The following EBF1 variants were observed in gnomAD, a reference collection of about 807,000 sequenced individuals.
The protein encoded by EBF1 is transcription factor COE1.
In EBF1, 10 loss-of-function variants were observed where a neutral mutation model predicts 68.4. That is an observed-to-expected ratio of 0.15 (90% confidence interval 0.09 to 0.25). The LOEUF (loss-of-function observed/expected upper bound fraction) is 0.25. Ranked by LOEUF, EBF1 falls within the 10% of genes least tolerant of loss-of-function variation. The probability of loss-of-function intolerance (pLI) is 1.00; values close to 1 mark genes in which losing one functional copy is unlikely to be tolerated. For missense variants in EBF1, 509 were observed against 794.4 expected (o/e 0.64, Z 4.32); for synonymous variants, 298 against 299.8 (o/e 0.99, Z 0.06).
intron 6 of EBF1, among the ~76,000 whole-genome samples, chr5:158,860,179 T>C (rs547145753): frequency 6.6e-6 from 1 of 152,364 alleles, no homozygotes; most frequent in South Asian, 2.1e-4. Flanking sequence ...GTGCTTACTA[T>C]GTGCAAGGTC....
At chr5:158,965,188 T>A (rs990082717) in intron 6 of EBF1, among the ~76,000 whole-genome samples, 4 of 152,168 alleles carry the variant, frequency 2.6e-5, no homozygotes, top group African/African-American at 9.7e-5. Context: ...CAACCCAGAT[T>A]CTAGGATCCA....
At chr5:158,710,555 G>A (rs1429681649) in intron 14 of EBF1, among the ~76,000 whole-genome samples, 1 of 152,198 alleles carries the variant, frequency 6.6e-6, no homozygotes, top group Non-Finnish European at 1.5e-5. Context: ...TGAGTAGACA[G>A]ACATAATATA....
intron 1 of EBF1, among the ~76,000 whole-genome samples, chr5:159,098,256 G>A (rs1273516999): frequency 6.6e-6 from 1 of 152,200 alleles, no homozygotes; most frequent in African/African-American, 2.4e-5. Flanking sequence ...AAGAGCCTTG[G>A]GTGTGCCCAG....
chr5:158,927,376 C>G (rs948114321), intron 6 of EBF1, among the ~76,000 whole-genome samples: 13 of 152,318 alleles, frequency 8.5e-5, no homozygotes, highest in African/African-American at 2.9e-4. Flanking sequence ...TCATGAACCA[C>G]TGCTTTGTTC....
chr5:159,056,503 G>A (rs1394362551), intron 6 of EBF1, among the ~76,000 whole-genome samples: 1 of 152,118 alleles, frequency 6.6e-6, no homozygotes, highest in Admixed American at 6.5e-5. Flanking sequence ...ACTATGCCAG[G>A]GGCTAATAAT....
intron 5 of EBF1, among the ~76,000 whole-genome samples, chr5:159,079,131 A>G (rs1779303078): frequency 6.6e-6 from 1 of 152,184 alleles, no homozygotes; most frequent in African/African-American, 2.4e-5. Context: ...CCATTACATA[A>G]TAGGCTCTTC....
rs1341820805 is a variant in EBF1 at position 158,972,858 on chromosome 5, C to T, written c.554+100538G>A. ...TAGCCTTCCTCAAACCTGTCAGGCACACTCCCTGCAGGGCCTCACACTGCC... is the reference window on the plus strand; with the variant it reads ...TAGCCTTCCTCAAACCTGTCAGGCATACTCCCTGCAGGGCCTCACACTGCC... On this transcript the variant is annotated intron_variant, in intron 6 of 15. Coordinates refer to ENST00000313708, the MANE Select transcript of EBF1 (RefSeq NM_024007.5). 2.6e-5 allele frequency among the ~76,000 whole-genome samples: 4 copies of T among 152,192 alleles called. No individual in the cohort carries two copies. In the East Asian group the frequency reaches 7.7e-4, roughly 29 times the overall value.
intron 6 of EBF1, among the ~76,000 whole-genome samples, chr5:158,954,391 T>C (rs1176642439): frequency 6.6e-6 from 1 of 152,258 alleles, no homozygotes; most frequent in Non-Finnish European, 1.5e-5. Flanking sequence ...TGCAAACACA[T>C]AATCCAGACA....
Position 158,698,261 on chromosome 5 carries a change from C to T in EBF1, c.*850G>A, listed in dbSNP as rs930356382. On this transcript the variant is annotated 3_prime_UTR_variant, in exon 16 of 16. Coordinates refer to ENST00000313708, the MANE Select transcript of EBF1 (RefSeq NM_024007.5). ...CATGAAGTCTCAAAGGAGATTCTCA[C>T]ACAGTATGTGTGCCACCAAGCTCTC... 3.6e-5 allele frequency: 8 copies of T among 220,692 alleles called. No homozygotes were observed. The highest frequency in any genetic ancestry group is 1.8e-4 in the African/African-American group (8 of 44,572). The allele number at this position is 220,692 out of a possible 1,614,324, so 13.7% of individuals were successfully genotyped here.
rs994387700 is a variant in EBF1 at position 158,920,436 on chromosome 5, A to C, written c.555-80326T>G. ...GAAACTTCAGCTCTAAAGAGGCTGAAAAGAATATGTCGTTCCCTGCCCTCC... is the reference window on the plus strand; with the variant it reads ...GAAACTTCAGCTCTAAAGAGGCTGACAAGAATATGTCGTTCCCTGCCCTCC... On this transcript the variant is annotated intron_variant, in intron 6 of 15. Transcript: ENST00000313708. Among the ~76,000 whole-genome samples, 6 of 152,338 alleles carry C rather than the reference A, an allele frequency of 3.9e-5. No homozygotes were observed. In the Middle Eastern group the frequency reaches 0.01, roughly 259 times the overall value.
intron 5 of EBF1, among the ~76,000 whole-genome samples, chr5:159,081,925 G>T (rs903418767): frequency 6.6e-6 from 1 of 152,048 alleles, no homozygotes; most frequent in African/African-American, 2.4e-5. Flanking sequence ...TACCAAACAG[G>T]CAGAGACTCT....
chr5:159,084,872 T>C, intron 4 of EBF1, 133 bp from the exon 5 acceptor site: 2 of 607,648 alleles, frequency 3.3e-6, no homozygotes, highest in Non-Finnish European at 5.3e-6. Context: ...AAGACATCAC[T>C]GGGTTGATCG....
chr5:158,772,697 A>G lies in EBF1; in HGVS notation c.1036+4716T>C, dbSNP rs373588983. Among the ~76,000 whole-genome samples, 5 of 152,280 alleles carry G rather than the reference A, an allele frequency of 3.3e-5. 1 individual carries two copies. The East Asian group carries it at 9.6e-4, about 29-fold the overall frequency. On this transcript the variant is annotated intron_variant, in intron 10 of 15. Transcript: ENST00000313708. ...TATAGTTGTGTTACTAAAAATCCCA[A>G]AAGACATTTCTTAGATTTCTAGGGA...
intron 6 of EBF1, among the ~76,000 whole-genome samples, chr5:158,855,818 C>G (rs533716734): frequency 3.6e-4 from 55 of 152,316 alleles, no homozygotes; most frequent in Non-Finnish European, 6.8e-4. Context: ...TAGCATAACA[C>G]ATGAAAACAA....
At chr5:158,840,686 T>C (rs1790138888) in intron 6 of EBF1, among the ~76,000 whole-genome samples, 1 of 124,350 alleles carries the variant, frequency 8.0e-6, no homozygotes, top group Non-Finnish European at 1.7e-5. Flanking sequence ...TTTTTTTTTT[T>C]TTTGAGACGG....
At chr5:158,909,172 T>C (rs368824213) in intron 6 of EBF1, among the ~76,000 whole-genome samples, 18 of 151,688 alleles carry the variant, frequency 1.2e-4, no homozygotes, top group Non-Finnish European at 2.2e-4. Flanking sequence ...AAATGTGAGA[T>C]GTGAAATGCA....
At chr5:159,044,776 A>G (rs1407091027) in intron 6 of EBF1, among the ~76,000 whole-genome samples, 3 of 152,350 alleles carry the variant, frequency 2.0e-5, no homozygotes, top group East Asian at 3.9e-4. Context: ...TAAAGAGTGT[A>G]GTTATTATGA....
At chr5:158,734,008 C>A (rs1057081300) in intron 10 of EBF1, among the ~76,000 whole-genome samples, 1 of 152,054 alleles carries the variant, frequency 6.6e-6, no homozygotes, top group Non-Finnish European at 1.5e-5. Context: ...TTTAAGGCAC[C>A]CGCATGGAAT....
At chr5:158,730,506 A>T (rs1016992012) in intron 11 of EBF1, among the ~76,000 whole-genome samples, 5 of 152,116 alleles carry the variant, frequency 3.3e-5, no homozygotes, top group Admixed American at 3.3e-4. Flanking sequence ...TTTCTCTCAT[A>T]TTTGTGCCTA....
Sources: allele counts gnomAD v4.1 joint callset (sites outside exome capture counted in the v4.1 genomes callset), GRCh38; gene constraint gnomAD v4.1.1; transcripts MANE v1.5; gene names NCBI Gene and HGNC (gene_info 2026-07-23, HGNC 2026-07-21).